Variants in RRBP1 observed in about 807,000 individuals in gnomAD.
RRBP1 encodes the protein ribosome binding protein 1, also known as ribosome-binding protein 1.
RRBP1 carries 94 observed loss-of-function variants against 165.2 expected under a neutral mutation model. That is an observed-to-expected ratio of 0.57 (90% CI 0.48 to 0.68). The LOEUF is 0.68. Ranked by LOEUF, RRBP1 falls within the 30% of genes least tolerant of loss-of-function variation. RRBP1 has a pLI of 0.00. For synonymous variants in RRBP1, 680 were observed against 714.5 expected, an observed-to-expected ratio of 0.95 and a Z score of 0.77; for missense variants, 1,676 against 1,763.0, an observed-to-expected ratio of 0.95 and a Z score of 0.88.
intron 12 of RRBP1, among the ~76,000 whole-genome samples, chr20:17,625,184 C>A (rs984013187): frequency 3.3e-5 from 5 of 152,182 alleles, no homozygotes; most frequent in African/African-American, 1.2e-4. Context: ...GCTTCTACAT[C>A]CCCTTCTCCT....
intron 3 of RRBP1, among the ~76,000 whole-genome samples, chr20:17,657,145 A>G (rs1441010606): frequency 3.3e-5 from 5 of 152,256 alleles, no homozygotes; most frequent in African/African-American, 1.2e-4. Context: ...CCAGCTTTGA[A>G]TCAAGTGGAA....
intron 2 of RRBP1, among the ~76,000 whole-genome samples, chr20:17,663,062 C>T (rs370605953): frequency 1.4e-4 from 21 of 152,110 alleles, no homozygotes; most frequent in African/African-American, 4.6e-4. Context: ...TCTAGAGAAA[C>T]GAACATTAGG....
Position 17,659,565 on chromosome 20 carries a change from C to G in RRBP1, c.943G>C (p.Ala315Pro), listed in dbSNP as rs1289892646. ...AQNQGKKAEGAQNQGKKGEGA... is the reference protein window; with the variant it reads ...AQNQGKKAEGPQNQGKKGEGA... Reference sequence around the variant, plus strand: ...TCTCCCTTTTTGCCCTGATTCTGGGCCCCCTCTGCCTTTTTGCCCTGGTTC... The same window carrying G: ...TCTCCCTTTTTGCCCTGATTCTGGGGCCCCTCTGCCTTTTTGCCCTGGTTC... The change falls in exon 3 of 25, where the codon GCC becomes CCC. Residue 315 changes from alanine to proline, a missense_variant. Around this residue, in one of 5 missense-constraint regions of RRBP1, gnomAD observed 78 missense variants for 115.6 expected, o/e 0.67. Coordinates refer to ENST00000377813, the MANE Select transcript of RRBP1 (RefSeq NM_001365613.2). 1 of 1,549,178 alleles carries G rather than the reference C, an allele frequency of 6.5e-7. No homozygotes were observed. Among genetic ancestry groups the G allele is most frequent in the Admixed American group, 2.0e-5 (1 of 50,870 alleles).
Position 17,659,864 on chromosome 20 carries a change from G to A in RRBP1, c.644C>T (p.Ala215Val). 6.4e-7 allele frequency: 1 copy of A among 1,551,930 alleles called. No individual in the cohort carries two copies. Among genetic ancestry groups the A allele is most frequent in the Non-Finnish European group, 8.7e-7 (1 of 1,147,132 alleles). The change falls in exon 3 of 25, where the codon GCC becomes GTC. Residue 215 changes from alanine (A) to valine (V), a missense_variant. Coordinates refer to ENST00000377813, the MANE Select transcript of RRBP1 (RefSeq NM_001365613.2). ...TQNQSKKAEG[A>V]PNQGRKAEGT... Reference sequence around the variant, plus strand: ...CTCTGCCTTTCTGCCCTGGTTTGGGGCTCCTTCAGCCTTTTTGCTTTGATT... The same window carrying A: ...CTCTGCCTTTCTGCCCTGGTTTGGGACTCCTTCAGCCTTTTTGCTTTGATT...
intron 2 of RRBP1, among the ~76,000 whole-genome samples, chr20:17,673,134 G>A (rs1022147473): frequency 6.6e-6 from 1 of 152,224 alleles, no homozygotes; most frequent in Non-Finnish European, 1.5e-5. Context: ...TTAATAAAGA[G>A]TTTAAAATGT....
Position 17,660,210 on chromosome 20 carries a change from C to A in RRBP1, c.298G>T (p.Val100Leu), listed in dbSNP as rs774893863. The change falls in exon 3 of 25, where the codon GTG (valine) becomes TTG (leucine). Residue 100 changes from valine (V) to leucine (L), a missense_variant. Val to Leu is a conservative substitution (Grantham distance 32, BLOSUM62 1). Transcript: ENST00000377813. ...GCCACAGCCACAGCAGGAGCCCGCA[C>A]TGGTTCTCGAAGGAGGACAGTCACA... ...PNVTVLLREPVRAPAVAVAPT... is the reference protein window; with the variant it reads ...PNVTVLLREPLRAPAVAVAPT... 1.2e-6 allele frequency: 2 copies of A among 1,613,726 alleles called. No individual in the cohort carries two copies. Among genetic ancestry groups the A allele is most frequent in the African/African-American group, 2.7e-5 (2 of 74,922 alleles).
intron 23 of RRBP1, 110 bp from the exon 24 acceptor site, chr20:17,614,990 G>T: frequency 8.2e-7 from 1 of 1,222,574 alleles, no homozygotes; most frequent in Non-Finnish European, 1.2e-6. Flanking sequence ...GGGGACACAA[G>T]GAAGGCAACT....
chr20:17,637,320 C>T lies in RRBP1; in HGVS notation c.2185-591G>A, dbSNP rs534912667. Among the ~76,000 whole-genome samples, 7 of 152,232 alleles carry T rather than the reference C, an allele frequency of 4.6e-5. No individual in the cohort carries two copies. In the East Asian group the frequency reaches 5.8e-4, roughly 13 times the overall value. On this transcript the variant is annotated intron_variant, in intron 5 of 24. Transcript: ENST00000377813. ...TGGATGCCGAGTCTGGGGGGTCCGG[C>T]GTCTCCAGCAGGGACAGAGCAGGAT...
At chr20:17,628,768 G>A (rs142115475) in intron 9 of RRBP1, among the ~76,000 whole-genome samples, 296 of 152,334 alleles carry the variant, frequency 1.9e-3, no homozygotes, top group African/African-American at 6.7e-3. Context: ...CCAGGACCAC[G>A]CAATCTAAAG....
intron 13 of RRBP1, among the ~76,000 whole-genome samples, chr20:17,623,514 G>A (rs376504034): frequency 1.6e-4 from 25 of 152,322 alleles, no homozygotes; most frequent in South Asian, 6.2e-4. Flanking sequence ...AAAGCAACCC[G>A]TGGGCTCAGA....
At chr20:17,646,408 C>A (rs1188966976) in intron 3 of RRBP1, among the ~76,000 whole-genome samples, 2 of 152,234 alleles carry the variant, frequency 1.3e-5, no homozygotes, top group African/African-American at 4.8e-5. Flanking sequence ...GCACCAAGGT[C>A]AGAGCAAGGC....
intron 20 of RRBP1, among the ~76,000 whole-genome samples, chr20:17,617,178 C>T (rs2035817635): frequency 6.6e-6 from 1 of 152,236 alleles, no homozygotes; most frequent in African/African-American, 2.4e-5. Context: ...ACACTGTCTA[C>T]ACCCCCCGTT....
intron 20 of RRBP1, among the ~76,000 whole-genome samples, chr20:17,617,120 A>G (rs2035816464): frequency 6.6e-6 from 1 of 152,236 alleles, no homozygotes; most frequent in African/African-American, 2.4e-5. Flanking sequence ...CCTGATGGGC[A>G]TGGCCCACAG....
intron 2 of RRBP1, among the ~76,000 whole-genome samples, chr20:17,665,737 C>T (rs1389575838): frequency 2.0e-5 from 3 of 152,124 alleles, no homozygotes; most frequent in Non-Finnish European, 4.4e-5. Context: ...CCTTTATACC[C>T]CTGAAGCCAG....
At chr20:17,656,262 G>T (rs1165183824) in intron 3 of RRBP1, among the ~76,000 whole-genome samples, 5 of 152,220 alleles carry the variant, frequency 3.3e-5, no homozygotes, top group Non-Finnish European at 7.3e-5. Flanking sequence ...GCATGTTGGT[G>T]GCACGTGTGG....
intron 9 of RRBP1, 58 bp from the exon 10 acceptor site, chr20:17,627,740 A>T (rs2036057617): frequency 5.3e-6 from 8 of 1,497,874 alleles, no homozygotes; most frequent in Non-Finnish European, 6.3e-6. Context: ...GGGGGTGTGG[A>T]GGATGCCCTC....
chr20:17,652,062 A>G (rs1442386017), intron 3 of RRBP1, among the ~76,000 whole-genome samples: 2 of 152,216 alleles, frequency 1.3e-5, no homozygotes, highest in Non-Finnish European at 2.9e-5. Flanking sequence ...GCCCAGCTCC[A>G]GTACTGGTTT....
In RRBP1 at chr20:17,627,612, G is replaced by T. The variant is rs145533851; in HGVS notation, c.2820C>A (p.His940Gln). Residue 940 changes from histidine (H) to glutamine (Q), a missense_variant, in exon 10 of 25, where the codon CAC becomes CAA. By Grantham distance (24) the His-to-Gln change is conservative (BLOSUM62 0). Coordinates refer to ENST00000377813, the MANE Select transcript of RRBP1 (RefSeq NM_001365613.2). ...RSKCEELSGL[H>Q]GQLQEARAEN... ...CCGCCCTGGCCTCCTGGAGCTGCCC[G>T]TGGAGGCCACTCAGCTCCTCGCATT... 4.3e-6 allele frequency: 7 copies of T among 1,613,296 alleles called. No individual in the cohort carries two copies. The African/African-American group carries it at 9.3e-5, about 22-fold the overall frequency.
chr20:17,670,251 C>G (rs1317589159), intron 2 of RRBP1, among the ~76,000 whole-genome samples: 1 of 152,048 alleles, frequency 6.6e-6, no homozygotes, highest in Non-Finnish European at 1.5e-5. Context: ...GTTTGAATTC[C>G]TAGGATAAAA....
Sources: allele counts gnomAD v4.1 joint callset (sites outside exome capture counted in the v4.1 genomes callset), GRCh38; gene constraint gnomAD v4.1.1; regional missense constraint gnomAD v4.1.1; transcripts MANE v1.5; gene names NCBI Gene and HGNC (gene_info 2026-07-23, HGNC 2026-07-21).